The following NTM variants were observed in gnomAD, a reference collection of about 807,000 sequenced individuals.
NTM encodes the protein neurotrimin.
A neutral mutation model predicts 42.1 loss-of-function variants in NTM; 13 were observed. That is an observed-to-expected ratio of 0.31 (90% CI 0.20 to 0.49). The LOEUF (loss-of-function observed/expected upper bound fraction) is 0.49, where lower values mean the gene tolerates loss of function less well. Ranked by LOEUF, NTM falls within the 20% of genes least tolerant of loss-of-function variation. The pLI, the probability that NTM is intolerant of heterozygous loss-of-function variation, is 0.99. For synonymous variants in NTM, 187 were observed against 179.2 expected (o/e 1.04, Z -0.35); for missense variants, 373 against 452.8 (o/e 0.82, Z 1.60).
chr11:131,534,017 A>G (rs2051722361), intron 1 of NTM: 1 of 152,392 alleles, frequency 6.6e-6, no homozygotes, highest in Non-Finnish European at 1.5e-5. Context: ...GTGCTGCTCC[A>G]TAAACACTCA....
At chr11:131,834,917 G>C (rs993427915) in intron 1 of NTM, among the ~76,000 whole-genome samples, 1 of 151,298 alleles carries the variant, frequency 6.6e-6, no homozygotes, top group Non-Finnish European at 1.5e-5. Context: ...ATGGTCAGGG[G>C]TCAGGTAGCT....
chr11:131,971,248 A>G (rs2063490131), intron 2 of NTM, among the ~76,000 whole-genome samples: 1 of 152,144 alleles, frequency 6.6e-6, no homozygotes, highest in Non-Finnish European at 1.5e-5. Flanking sequence ...TCTGATTCCC[A>G]TTTTTAAAAC....
intron 8 of NTM, among the ~76,000 whole-genome samples, chr11:132,330,996 C>A (rs960631300): frequency 6.6e-6 from 1 of 152,206 alleles, no homozygotes; most frequent in African/African-American, 2.4e-5. Context: ...CTCATGGAAT[C>A]CTTCCACATA....
At chr11:131,979,346 A>T (rs2134867576) in intron 2 of NTM, among the ~76,000 whole-genome samples, 1 of 151,640 alleles carries the variant, frequency 6.6e-6, no homozygotes, top group South Asian at 2.1e-4. Context: ...TAGATATTTA[A>T]ACTAAAGAAG....
At chr11:131,636,729 T>C (rs2064446950) in intron 1 of NTM, among the ~76,000 whole-genome samples, 1 of 152,198 alleles carries the variant, frequency 6.6e-6, no homozygotes, top group Non-Finnish European at 1.5e-5. Flanking sequence ...TAACAGGCTA[T>C]GAAACCTTGA....
rs139515778 is a variant in NTM at position 131,651,287 on chromosome 11, C to G, written c.83-260277C>G. 4.5e-3 allele frequency among the ~76,000 whole-genome samples: 690 copies of G among 152,316 alleles called. 6 individuals carry two copies. The highest frequency in any genetic ancestry group is 0.015 in the African/African-American group (617 of 41,570). Reference sequence around the variant, plus strand: ...TTCATTTAACACACAGTAAGCACCACATAAATTCTAGTTGTGTATAGCTAG... The same window carrying G: ...TTCATTTAACACACAGTAAGCACCAGATAAATTCTAGTTGTGTATAGCTAG... On this transcript the variant is annotated intron_variant, in intron 1 of 8. Coordinates refer to ENST00000683400, the MANE Select transcript of NTM (RefSeq NM_001352005.2).
At chr11:131,517,503 C>T (rs1298393114) in intron 1 of NTM, among the ~76,000 whole-genome samples, 1 of 152,126 alleles carries the variant, frequency 6.6e-6, no homozygotes, top group African/African-American at 2.4e-5. Context: ...TGAATGAGTC[C>T]TGCTTCTTTC....
chr11:132,209,937 AG>A (rs972805565), intron 3 of NTM, among the ~76,000 whole-genome samples: 7 of 152,220 alleles, frequency 4.6e-5, no homozygotes, highest in African/African-American at 1.7e-4. Context: ...GAAGGAGAGA[AG>A]GGGAAGAAGG....
intron 4 of NTM, among the ~76,000 whole-genome samples, chr11:132,266,945 G>T (rs1392849078): frequency 1.3e-5 from 2 of 152,198 alleles, no homozygotes. Flanking sequence ...ACAAGCATTA[G>T]AGGTTGTTAG....
At chr11:132,116,353 T>C (rs1185999178) in intron 2 of NTM, among the ~76,000 whole-genome samples, 3 of 152,132 alleles carry the variant, frequency 2.0e-5, no homozygotes, top group Non-Finnish European at 4.4e-5. Flanking sequence ...CCATAGATAG[T>C]ACCCAAACAG....
chr11:131,638,332 C>A (rs913834961), intron 1 of NTM, among the ~76,000 whole-genome samples: 1 of 151,834 alleles, frequency 6.6e-6, no homozygotes, highest in Non-Finnish European at 1.5e-5. Flanking sequence ...TTTGGGAGGC[C>A]GAGACGGGCA....
chr11:131,738,881 GA>G (rs368596714), intron 1 of NTM, among the ~76,000 whole-genome samples: 2 of 152,224 alleles, frequency 1.3e-5, no homozygotes, highest in African/African-American at 4.8e-5. Flanking sequence ...TCATATGTCA[GA>G]AAGTCAACCT....
intron 4 of NTM, among the ~76,000 whole-genome samples, chr11:132,277,769 G>C (rs894334536): frequency 4.6e-5 from 7 of 152,024 alleles, no homozygotes; most frequent in Non-Finnish European, 1.0e-4. Context: ...ACCAAAATGA[G>C]ATTGTTACAA....
At chr11:131,418,961 A>T (rs1376549707) in intron 1 of NTM, among the ~76,000 whole-genome samples, 1 of 152,106 alleles carries the variant, frequency 6.6e-6, no homozygotes, top group Non-Finnish European at 1.5e-5. Context: ...AGAGATAATC[A>T]CCAAGGTACG....
chr11:131,436,527 C>T (rs574644702), intron 1 of NTM, among the ~76,000 whole-genome samples: 11 of 152,226 alleles, frequency 7.2e-5, no homozygotes, highest in Admixed American at 1.3e-4. Flanking sequence ...TGTATGTGTC[C>T]AGAAATTTAT....
intron 2 of NTM, among the ~76,000 whole-genome samples, chr11:131,959,099 G>C (rs189587964): frequency 2.6e-4 from 39 of 152,302 alleles, no homozygotes; most frequent in African/African-American, 8.9e-4. Flanking sequence ...GGTCTCAAGA[G>C]GGTGATGTGT....
At chr11:131,601,789 A>G (rs180735813) in intron 1 of NTM, among the ~76,000 whole-genome samples, 270 of 152,282 alleles carry the variant, frequency 1.8e-3, no homozygotes, top group African/African-American at 6.1e-3. Context: ...ACTCCTGTTT[A>G]TTTAGTCATC....
chr11:131,986,886 C>T (rs1350462590), intron 2 of NTM, among the ~76,000 whole-genome samples: 1 of 152,148 alleles, frequency 6.6e-6, no homozygotes, highest in Non-Finnish European at 1.5e-5. Flanking sequence ...AAATCTGACA[C>T]ATTCCAACAT....
chr11:131,678,224 G>T (rs1182888809), intron 1 of NTM, among the ~76,000 whole-genome samples: 2 of 152,202 alleles, frequency 1.3e-5, no homozygotes, highest in African/African-American at 4.8e-5. Context: ...ATGAGGCCCT[G>T]GACAGCCTTC....
Sources: allele counts gnomAD v4.1 joint callset (sites outside exome capture counted in the v4.1 genomes callset), GRCh38; gene constraint gnomAD v4.1.1; transcripts MANE v1.5; gene names NCBI Gene and HGNC (gene_info 2026-07-23, HGNC 2026-07-21).